Variants in SLC16A10 observed in about 807,000 individuals in gnomAD.
The protein encoded by SLC16A10 is solute carrier family 16 member 10.
A neutral mutation model predicts 40.0 loss-of-function variants in SLC16A10; 27 were observed. That is an observed-to-expected ratio of 0.67 (90% CI 0.50 to 0.93). SLC16A10 has a LOEUF of 0.93. Ranked by LOEUF, SLC16A10 falls within the 40% of genes least tolerant of loss-of-function variation. The probability of loss-of-function intolerance (pLI) is 0.00; values close to 1 mark genes in which losing one functional copy is unlikely to be tolerated. For missense variants in SLC16A10, 529 were observed against 658.2 expected (o/e 0.80, Z 2.15); for synonymous variants, 213 against 249.8 (o/e 0.85, Z 1.39).
intron 1 of SLC16A10, among the ~76,000 whole-genome samples, chr6:111,117,773 T>A (rs1233954715): frequency 1.3e-5 from 2 of 152,198 alleles, no homozygotes; most frequent in Non-Finnish European, 2.9e-5. Context: ...ACTAATAGAC[T>A]GTAAGAATTT....
intron 1 of SLC16A10, among the ~76,000 whole-genome samples, chr6:111,166,773 T>C (rs556446492): frequency 6.6e-6 from 1 of 152,368 alleles, no homozygotes; most frequent in Admixed American, 6.5e-5. Flanking sequence ...GTGATTTGCA[T>C]CCTGCTTTTG....
At chr6:111,156,746 A>G (rs1281649351) in intron 1 of SLC16A10, among the ~76,000 whole-genome samples, 8 of 152,208 alleles carry the variant, frequency 5.3e-5, no homozygotes, top group Admixed American at 3.9e-4. Flanking sequence ...TGAGTAAAAT[A>G]TAGATGTTTG....
intron 4 of SLC16A10, among the ~76,000 whole-genome samples, chr6:111,212,309 T>A (rs539609009): frequency 6.6e-6 from 1 of 152,278 alleles, no homozygotes; most frequent in Non-Finnish European, 1.5e-5. Flanking sequence ...TAATATCTTA[T>A]TAAATACTGA....
chr6:111,151,764 G>T (rs1772176516), intron 1 of SLC16A10, among the ~76,000 whole-genome samples: 1 of 152,172 alleles, frequency 6.6e-6, no homozygotes, highest in Admixed American at 6.5e-5. Flanking sequence ...TTTTGCATAT[G>T]CTATTCCCTT....
chr6:111,106,108 T>C (rs762030896), intron 1 of SLC16A10, among the ~76,000 whole-genome samples: 39 of 152,208 alleles, frequency 2.6e-4, no homozygotes, highest in Non-Finnish European at 4.9e-4. Flanking sequence ...CTAGTAAATA[T>C]GTTTTCTGAC....
intron 1 of SLC16A10, among the ~76,000 whole-genome samples, chr6:111,101,988 C>A (rs557021804): frequency 1.3e-5 from 2 of 152,258 alleles, no homozygotes; most frequent in Admixed American, 1.3e-4. Flanking sequence ...TTTTAAGGTA[C>A]ATTTTTCTGT....
At chr6:111,163,146 ATTTTT>A (rs34027805) in intron 1 of SLC16A10, among the ~76,000 whole-genome samples, 263 of 85,324 alleles carry the variant, frequency 3.1e-3, no homozygotes, top group African/African-American at 0.011. Context: ...CAACATAATA[ATTTTT>A]TTTTTTTTTT....
chr6:111,120,320 A>G (rs1311130265), intron 1 of SLC16A10, among the ~76,000 whole-genome samples: 1 of 152,216 alleles, frequency 6.6e-6, no homozygotes, highest in Non-Finnish European at 1.5e-5. Flanking sequence ...AACTTAGCTT[A>G]TGGACTAGTT....
chr6:111,136,854 TAGG>T (rs1336112011), intron 1 of SLC16A10, among the ~76,000 whole-genome samples: 1 of 152,154 alleles, frequency 6.6e-6, no homozygotes, highest in Non-Finnish European at 1.5e-5. Context: ...GCACTAGAAT[TAGG>T]AGAAGGAAAA....
intron 4 of SLC16A10, among the ~76,000 whole-genome samples, chr6:111,216,694 C>T (rs1583368281): frequency 6.6e-6 from 1 of 151,806 alleles, no homozygotes; most frequent in East Asian, 1.9e-4. Context: ...GGATTACAGG[C>T]GTGAGCCACC....
At chr6:111,190,103 C>T (rs1441606402) in intron 3 of SLC16A10, among the ~76,000 whole-genome samples, 1 of 152,168 alleles carries the variant, frequency 6.6e-6, no homozygotes, top group Non-Finnish European at 1.5e-5. Context: ...GGGGTACATG[C>T]ATTGGGTAAA....
At chr6:111,102,968 C>A (rs983076507) in intron 1 of SLC16A10, among the ~76,000 whole-genome samples, 1 of 152,098 alleles carries the variant, frequency 6.6e-6, no homozygotes, top group Non-Finnish European at 1.5e-5. Flanking sequence ...TACGGTTGCA[C>A]GCTCATGGCT....
intron 1 of SLC16A10, among the ~76,000 whole-genome samples, chr6:111,098,121 A>G (rs151039719): frequency 0.013 from 2,035 of 152,072 alleles, no homozygotes; most frequent in African/African-American, 0.047. Flanking sequence ...AGCCTGACCA[A>G]CATGGAGAAA....
At chr6:111,217,480 C>CAAACACT (rs1770777132) in intron 4 of SLC16A10, among the ~76,000 whole-genome samples, 2 of 152,086 alleles carry the variant, frequency 1.3e-5, no homozygotes, top group Non-Finnish European at 2.9e-5. Flanking sequence ...GACGGAGTCT[C>CAAACACT]GCTCTGTCGC....
intron 1 of SLC16A10, among the ~76,000 whole-genome samples, chr6:111,122,948 C>A (rs1771610716): frequency 6.6e-6 from 1 of 152,198 alleles, no homozygotes; most frequent in African/African-American, 2.4e-5. Flanking sequence ...AGTTCTTCAT[C>A]ATTACCGAGA....
chr6:111,213,517 T>C (rs192034691), intron 4 of SLC16A10, among the ~76,000 whole-genome samples: 266 of 152,322 alleles, frequency 1.7e-3, no homozygotes, highest in Non-Finnish European at 7.8e-4. Flanking sequence ...CATTTTACAT[T>C]TGCCTAAAGA....
Position 111,087,720 on chromosome 6 carries a change from C to T in SLC16A10, c.-33C>T. ...CCGCTGGTAACTCGCGTCCCTCGCG[C>T]TTCTCCGGCGCCTGAGGGGCCCGCC... On this transcript the variant is annotated 5_prime_UTR_variant, in exon 1 of 6. Transcript: ENST00000368851. 1 of 1,160,474 alleles carries T rather than the reference C, an allele frequency of 8.6e-7. No homozygotes were observed. Among genetic ancestry groups the T allele is most frequent in the Non-Finnish European group, 1.1e-6 (1 of 930,918 alleles). The allele number at this position is 1,160,474 out of a possible 1,614,324, so 71.9% of individuals were successfully genotyped here.
At chr6:111,192,595 C>G (rs1773013184) in intron 3 of SLC16A10, among the ~76,000 whole-genome samples, 1 of 152,176 alleles carries the variant, frequency 6.6e-6, no homozygotes. Context: ...TACCAATTTA[C>G]TGTATTAATC....
intron 1 of SLC16A10, among the ~76,000 whole-genome samples, chr6:111,109,365 T>C (rs1452015156): frequency 6.6e-6 from 1 of 152,212 alleles, no homozygotes; most frequent in Non-Finnish European, 1.5e-5. Flanking sequence ...CTCAGCATGA[T>C]GCTTTTGAGA....
Sources: gnomAD v4.1 joint callset for allele counts (sites outside exome capture counted in the v4.1 genomes callset) on GRCh38, gnomAD v4.1.1 for gene constraint, MANE v1.5 for transcripts, NCBI Gene and HGNC (gene_info 2026-07-23, HGNC 2026-07-21) for gene names.